NGDN: variants seen among roughly 807,000 people sequenced by gnomAD.
NGDN encodes the protein EIF4E-binding protein.
A neutral mutation model predicts 45.2 loss-of-function variants in NGDN; 41 were observed. That is an observed-to-expected ratio of 0.91 (90% confidence interval 0.71 to 1.18). The LOEUF (loss-of-function observed/expected upper bound fraction) is 1.18, where lower values mean the gene tolerates loss of function less well. Among genes scored for constraint, NGDN ranks in the 50% most tolerant of loss-of-function variants. The pLI, the probability that NGDN is intolerant of heterozygous loss-of-function variation, is 0.00. For synonymous variants in NGDN, 137 were observed against 130.9 expected (o/e 1.05, Z -0.32); for missense variants, 402 against 399.9 (o/e 1.01, Z -0.05).
intron 1 of NGDN, 75 bp from the exon 2 acceptor site, chr14:23,469,967 C>T (rs1173323578): frequency 2.0e-6 from 3 of 1,502,890 alleles, no homozygotes; most frequent in African/African-American, 1.4e-5. Flanking sequence ...GGCAGTTTCC[C>T]ACCCTAGACG....
downstream of NGDN, chr14:23,478,363 G>C (rs1893952687): frequency 1.1e-5 from 3 of 273,256 alleles, no homozygotes; most frequent in Non-Finnish European, 2.1e-5. Context: ...AGACGAGGCT[G>C]GTATAATCAA....
At chr14:23,478,274 C>T (rs1893950879), downstream of NGDN, 1 of 444,080 alleles carries the variant, frequency 2.3e-6, no homozygotes, top group Non-Finnish European at 4.0e-6. Context: ...TTTGGAAGTG[C>T]AAAACATTTG....
chr14:23,472,604 T>G (rs953023554), intron 3 of NGDN, among the ~76,000 whole-genome samples: 15 of 152,242 alleles, frequency 9.9e-5, no homozygotes, highest in African/African-American at 3.6e-4. Flanking sequence ...AGAACAACTC[T>G]GGATCTCTCA....
chr14:23,471,009 G>C, intron 3 of NGDN, 32 bp downstream of exon 3: 1 of 1,400,744 alleles, frequency 7.1e-7, no homozygotes, highest in Non-Finnish European at 9.6e-7. Context: ...AGCATCCCCT[G>C]ACTTAATGTT....
intron 3 of NGDN, among the ~76,000 whole-genome samples, chr14:23,473,791 C>T (rs916920682): frequency 6.6e-5 from 10 of 152,124 alleles, no homozygotes; most frequent in African/African-American, 2.2e-4. Context: ...CACAAATCTG[C>T]TATAACTCCT....
At position 23,476,395 on chromosome 14, in the gene NGDN, AG is replaced by A; in HGVS notation, c.703del (p.Asp235ThrfsTer11). ...RHPHVTRQSQ[E>X]DQHRINYEES... ...CCCCATGTTACCCGCCAGAGTCAGG[AG>A]GACCAACACAGGTCTGAGCCCTTGC... On this transcript the variant is annotated frameshift_variant, in exon 8 of 11. Transcript: ENST00000408901. LOFTEE classifies it high-confidence loss of function. 1 of 1,611,748 alleles carries A rather than the reference AG, an allele frequency of 6.2e-7. No homozygotes were observed. The highest frequency in any genetic ancestry group is 8.5e-7 in the Non-Finnish European group (1 of 1,179,794).
rs764172826 is a variant in NGDN at position 23,470,119 on chromosome 14, T to G, written c.72+18T>G. On this transcript the variant is annotated intron_variant, in intron 2 of 10. Coordinates refer to ENST00000408901, the MANE Select transcript of NGDN (RefSeq NM_001042635.2). The stretch of plus-strand genomic sequence containing the variant: ...AGGAGCAAGTGAGTAGTGTCGCCTC[T>G]GGAATAAATTAGTCACGGATTGGCT... 1.2e-6 allele frequency: 2 copies of G among 1,610,790 alleles called. No individual in the cohort carries two copies. Among genetic ancestry groups the G allele is most frequent in the African/African-American group, 1.3e-5 (1 of 74,862 alleles).
At position 23,476,414 on chromosome 14, in the gene NGDN, G is replaced by C. The variant is rs748463253; in HGVS notation, c.713+7G>C. The C allele has an allele frequency of 1.1e-4, 183 of 1,602,958 alleles. No homozygotes were observed. The highest frequency in any genetic ancestry group is 1.5e-4 in the Non-Finnish European group (173 of 1,174,118). ...GTCAGGAGGACCAACACAGGTCTGAGCCCTTGCATTAGAAATTATTCCTGC... is the reference window on the plus strand; with the variant it reads ...GTCAGGAGGACCAACACAGGTCTGACCCCTTGCATTAGAAATTATTCCTGC... On this transcript the variant is annotated splice_region_variant and intron_variant, in intron 8 of 10. Transcript: ENST00000408901.
intron 3 of NGDN, 22 bp downstream of exon 3, chr14:23,470,999 A>G: frequency 6.8e-7 from 1 of 1,475,760 alleles, no homozygotes; most frequent in Non-Finnish European, 9.1e-7. Context: ...TCAAACAGTA[A>G]GCATCCCCTG....
At chr14:23,474,510 C>T (rs906184084) in intron 3 of NGDN, among the ~76,000 whole-genome samples, 3 of 152,088 alleles carry the variant, frequency 2.0e-5, no homozygotes, top group Non-Finnish European at 2.9e-5. Context: ...CTAGGGGTAG[C>T]AGTTACTTGT....
At chr14:23,472,951 C>G (rs183446990) in intron 3 of NGDN, among the ~76,000 whole-genome samples, 2 of 152,224 alleles carry the variant, frequency 1.3e-5, no homozygotes, top group Admixed American at 1.3e-4. Context: ...TCGGAAGAGC[C>G]TGCTTCTCAA....
chr14:23,470,299 A>C (rs1191424834), intron 2 of NGDN, 198 bp downstream of exon 2: 3 of 564,384 alleles, frequency 5.3e-6, no homozygotes, highest in Non-Finnish European at 9.5e-6. Flanking sequence ...CTCCAAAAAG[A>C]AATTATATGA....
intron 3 of NGDN, among the ~76,000 whole-genome samples, chr14:23,472,583 G>A (rs918214688): frequency 1.3e-5 from 2 of 152,152 alleles, no homozygotes; most frequent in Non-Finnish European, 2.9e-5. Context: ...ACTGGTTGGG[G>A]GCAATGTGGA....
At chr14:23,477,656 G>T in intron 10 of NGDN, 96 bp downstream of exon 10, 1 of 1,580,484 alleles carries the variant, frequency 6.3e-7, no homozygotes, top group Non-Finnish European at 8.6e-7. Flanking sequence ...ACCAAGCCCT[G>T]TAGTATCTCT....
intron 3 of NGDN, 115 bp from the exon 4 acceptor site, chr14:23,475,055 AT>A: frequency 9.5e-7 from 1 of 1,048,280 alleles, no homozygotes; most frequent in East Asian, 2.5e-5. Context: ...CAGATACCTA[AT>A]ATGAACTGAT....
At chr14:23,474,975 G>A (rs946424339) in intron 3 of NGDN, among the ~76,000 whole-genome samples, 196 bp from the exon 4 acceptor site, 2 of 152,102 alleles carry the variant, frequency 1.3e-5, no homozygotes, top group Admixed American at 6.5e-5. Flanking sequence ...TTTTCTGAGC[G>A]TTGTTTCTCT....
At chr14:23,471,396 G>T (rs186797285) in intron 3 of NGDN, 122 of 160,858 alleles carry the variant, frequency 7.6e-4, no homozygotes, top group African/African-American at 2.8e-3. Context: ...ATGTGTGTTG[G>T]GGGTAGGAAA....
chr14:23,476,178 C>T (rs1434210078), intron 7 of NGDN, 26 bp downstream of exon 7: 1 of 1,614,114 alleles, frequency 6.2e-7, no homozygotes, highest in Non-Finnish European at 8.5e-7. Context: ...GCTGCCTCCT[C>T]AGCATGAACT....
chr14:23,470,032 C>T lies in NGDN; in HGVS notation c.13-10C>T, dbSNP rs760047787. ...ATGACTTTTCTTTACGCCTCCTCTC[C>T]CTTCTGTAGGGGGTGCTGGAGTCCG... On this transcript the variant is annotated splice_polypyrimidine_tract_variant and intron_variant, in intron 1 of 10. Coordinates refer to ENST00000408901, the MANE Select transcript of NGDN (RefSeq NM_001042635.2). The T allele has an allele frequency of 4.2e-5, 68 of 1,613,762 alleles. No homozygotes were observed. In the Middle Eastern group the frequency reaches 6.6e-4, roughly 16 times the overall value.
Sources: allele counts gnomAD v4.1 joint callset (sites outside exome capture counted in the v4.1 genomes callset), GRCh38; gene constraint gnomAD v4.1.1; transcripts MANE v1.5; gene names NCBI Gene and HGNC (gene_info 2026-07-23, HGNC 2026-07-21).